Variants in SEMA3D observed in about 807,000 individuals in gnomAD.
SEMA3D encodes semaphorin-3D.
SEMA3D carries 84 observed loss-of-function variants against 100.1 expected under a neutral mutation model. The ratio of observed to expected loss-of-function variants is 0.84; its 90% CI spans 0.70 to 1.01. The LOEUF is 1.01. Ranked by LOEUF, SEMA3D falls within the 50% of genes least tolerant of loss-of-function variation. The pLI is 0.00. For missense variants in SEMA3D, 875 were observed against 934.1 expected (o/e 0.94, Z 0.82); for synonymous variants, 312 against 320.7 (o/e 0.97, Z 0.29).
chr7:85,050,713 G>T, intron 9 of SEMA3D: 1 of 516,798 alleles, frequency 1.9e-6, no homozygotes. Context: ...CTTTGACTAT[G>T]TTCAGAAATA....
intron 1 of SEMA3D, among the ~76,000 whole-genome samples, chr7:85,184,190 C>T (rs1402435366): frequency 6.6e-6 from 1 of 152,102 alleles, no homozygotes; most frequent in South Asian, 2.1e-4. Flanking sequence ...GATACAGATA[C>T]AGCATCATAA....
At chr7:85,138,613 T>C (rs1789934153) in intron 2 of SEMA3D, among the ~76,000 whole-genome samples, 1 of 145,730 alleles carries the variant, frequency 6.9e-6, no homozygotes, top group African/African-American at 2.5e-5. Flanking sequence ...TTTTATAATA[T>C]ATAATTTATA....
chr7:85,001,401 T>C (rs558433758), intron 18 of SEMA3D, among the ~76,000 whole-genome samples: 13 of 152,334 alleles, frequency 8.5e-5, no homozygotes, highest in Admixed American at 1.3e-4. Flanking sequence ...AAACTAACTT[T>C]GAATTAATTT....
the SEMA3D span, among the ~76,000 whole-genome samples, chr7:85,223,129 G>A: frequency 2.6e-5 from 4 of 151,956 alleles, no homozygotes; most frequent in Non-Finnish European, 5.9e-5. Context: ...ATTCCTGCAA[G>A]AATGGCCACA....
At chr7:85,208,800 C>T in the SEMA3D span, among the ~76,000 whole-genome samples, 1 of 151,870 alleles carries the variant, frequency 6.6e-6, no homozygotes, top group Non-Finnish European at 1.5e-5. Flanking sequence ...CTCTCACACA[C>T]ATTTATGTTT....
At chr7:85,204,801 T>C in the SEMA3D span, among the ~76,000 whole-genome samples, 1 of 152,186 alleles carries the variant, frequency 6.6e-6, no homozygotes, top group South Asian at 2.1e-4. Context: ...CTATTATCAC[T>C]CTGACTTCCA....
intron 8 of SEMA3D, among the ~76,000 whole-genome samples, chr7:85,060,924 T>C (rs907188188): frequency 6.6e-6 from 1 of 152,148 alleles, no homozygotes; most frequent in Non-Finnish European, 1.5e-5. Flanking sequence ...AACAAAAACA[T>C]CTGCATGCAT....
At chr7:85,191,167 C>T (rs1013264), upstream of SEMA3D, among the ~76,000 whole-genome samples, 70,336 of 151,892 alleles carry the variant, frequency 0.46, 17,475 homozygotes, top group East Asian at 0.72. Flanking sequence ...TGGCCCAAAT[C>T]CTGAGACTTC....
chr7:85,225,306 C>T, the SEMA3D span, among the ~76,000 whole-genome samples: 6 of 149,698 alleles, frequency 4.0e-5, no homozygotes, highest in Non-Finnish European at 8.9e-5. Flanking sequence ...TCCTCTTTTC[C>T]TGTTTTCTTT....
intron 8 of SEMA3D, among the ~76,000 whole-genome samples, chr7:85,058,520 G>A (rs941047750): frequency 6.6e-6 from 1 of 151,920 alleles, no homozygotes; most frequent in Non-Finnish European, 1.5e-5. Context: ...GGCCGAGGCC[G>A]GCAGATCACG....
chr7:85,146,280 A>G (rs759987096), intron 2 of SEMA3D, among the ~76,000 whole-genome samples: 1 of 151,774 alleles, frequency 6.6e-6, no homozygotes, highest in Non-Finnish European at 1.5e-5. Context: ...CTTAGCCAGG[A>G]GTGGCGTCTC....
chr7:85,135,070 A>G (rs1789818617), intron 2 of SEMA3D, among the ~76,000 whole-genome samples: 1 of 151,562 alleles, frequency 6.6e-6, no homozygotes, highest in Admixed American at 6.6e-5. Flanking sequence ...GGGCCACGAG[A>G]TAATGGTGAG....
intron 3 of SEMA3D, among the ~76,000 whole-genome samples, chr7:85,102,738 C>T (rs758753262): frequency 3.3e-5 from 5 of 151,924 alleles, no homozygotes; most frequent in African/African-American, 4.8e-5. Flanking sequence ...CCCTGAATTA[C>T]GGCAATGAGA....
chr7:85,024,677 G>A (rs1186104503), intron 12 of SEMA3D, among the ~76,000 whole-genome samples: 5 of 151,972 alleles, frequency 3.3e-5, no homozygotes, highest in African/African-American at 7.2e-5. Context: ...TGTTGCCAGT[G>A]TTTGGACAAG....
chr7:85,115,798 G>T (rs188740311), intron 3 of SEMA3D, among the ~76,000 whole-genome samples: 344 of 152,040 alleles, frequency 2.3e-3, no homozygotes, highest in Non-Finnish European at 3.8e-3. Flanking sequence ...AACAACAAAG[G>T]CAACTGTTAT....
At chr7:85,209,131 A>G in the SEMA3D span, among the ~76,000 whole-genome samples, 4 of 152,054 alleles carry the variant, frequency 2.6e-5, no homozygotes, top group African/African-American at 9.7e-5. Context: ...ATGAAATTTG[A>G]CAGAATGAAC....
chr7:85,180,979 A>C (rs1292889378), intron 1 of SEMA3D, among the ~76,000 whole-genome samples: 1 of 152,180 alleles, frequency 6.6e-6, no homozygotes, highest in Non-Finnish European at 1.5e-5. Context: ...CTCTAGTGTA[A>C]GTTATCTGAT....
intron 3 of SEMA3D, among the ~76,000 whole-genome samples, chr7:85,111,900 T>C (rs1789107462): frequency 6.6e-6 from 1 of 152,112 alleles, no homozygotes; most frequent in Non-Finnish European, 1.5e-5. Flanking sequence ...TTGCACTTGA[T>C]GTTCTTTCTG....
intron 9 of SEMA3D, among the ~76,000 whole-genome samples, chr7:85,043,860 AG>A (rs1177100872): frequency 1.3e-5 from 2 of 152,100 alleles, no homozygotes; most frequent in African/African-American, 4.8e-5. Flanking sequence ...TGAAACTGTG[AG>A]TCCAATTAAA....
Sources: gnomAD v4.1 joint callset for allele counts (sites outside exome capture counted in the v4.1 genomes callset) on GRCh38, gnomAD v4.1.1 for gene constraint, MANE v1.5 for transcripts, NCBI Gene and HGNC (gene_info 2026-07-23, HGNC 2026-07-21) for gene names.